ERBB4: variants seen among roughly 807,000 people sequenced by gnomAD.
ERBB4 encodes receptor tyrosine-protein kinase erbB-4.
Under a neutral mutation model 158.0 loss-of-function variants are expected in ERBB4, and 42 were observed. The observed-to-expected ratio is 0.27, with a 90% CI of 0.21 to 0.34. The LOEUF is 0.34. ERBB4 is among the 10% of genes least tolerant of loss of function. The probability of loss-of-function intolerance (pLI) is 1.00; values close to 1 mark genes in which losing one functional copy is unlikely to be tolerated. For missense variants in ERBB4, 1,333 were observed against 1,624.1 expected, an observed-to-expected ratio of 0.82 and a Z score of 3.08; for synonymous variants, 583 against 558.7, an observed-to-expected ratio of 1.04 and a Z score of -0.61.
chr2:211,660,585 A>C (rs2071387289), intron 15 of ERBB4, among the ~76,000 whole-genome samples: 2 of 152,178 alleles, frequency 1.3e-5, no homozygotes, highest in Non-Finnish European at 2.9e-5. Context: ...AGAATTTAGT[A>C]TGGCTGTCCT....
chr2:211,650,566 A>G (rs2070944511), intron 16 of ERBB4, among the ~76,000 whole-genome samples: 1 of 152,116 alleles, frequency 6.6e-6, no homozygotes, highest in Non-Finnish European at 1.5e-5. Context: ...AAGCTGATGA[A>G]ATAAACACCC....
intron 19 of ERBB4, among the ~76,000 whole-genome samples, chr2:211,572,913 C>T (rs1014074692): frequency 6.6e-6 from 1 of 152,126 alleles, no homozygotes; most frequent in African/African-American, 2.4e-5. Flanking sequence ...CTCCTCCTAC[C>T]CATGAAAGAT....
At chr2:211,519,763 A>G (rs1234635066) in intron 20 of ERBB4, among the ~76,000 whole-genome samples, 1 of 152,186 alleles carries the variant, frequency 6.6e-6, no homozygotes, top group Non-Finnish European at 1.5e-5. Context: ...ATGGAAAGAC[A>G]AATAGAAATC....
chr2:212,529,742 A>G (rs377241623), intron 1 of ERBB4, among the ~76,000 whole-genome samples: 7 of 152,236 alleles, frequency 4.6e-5, no homozygotes, highest in East Asian at 3.8e-4. Context: ...GGTTGGTTTG[A>G]TTAAATGCCA....
At chr2:212,149,807 G>A (rs1234868954) in intron 1 of ERBB4, among the ~76,000 whole-genome samples, 1 of 152,032 alleles carries the variant, frequency 6.6e-6, no homozygotes, top group Admixed American at 6.5e-5. Flanking sequence ...ATTTTGTGGA[G>A]TAGACCGACA....
intron 2 of ERBB4, among the ~76,000 whole-genome samples, chr2:212,066,398 C>T (rs1006742535): frequency 4.0e-5 from 6 of 151,852 alleles, no homozygotes; most frequent in Non-Finnish European, 5.9e-5. Context: ...AACTTTTGGA[C>T]ATTTTGTAAG....
chr2:212,456,223 C>A (rs1412170754), intron 1 of ERBB4, among the ~76,000 whole-genome samples: 3 of 151,922 alleles, frequency 2.0e-5, no homozygotes, highest in Non-Finnish European at 2.9e-5. Context: ...TTCTAACTCC[C>A]TAACATAAAA....
At chr2:211,501,821 G>A (rs925503865) in intron 20 of ERBB4, among the ~76,000 whole-genome samples, 1 of 151,948 alleles carries the variant, frequency 6.6e-6, no homozygotes, top group African/African-American at 2.4e-5. Flanking sequence ...TGTTAATTCA[G>A]GGTCACTTTT....
At chr2:212,324,965 C>G (rs1233418834) in intron 1 of ERBB4, among the ~76,000 whole-genome samples, 1 of 150,276 alleles carries the variant, frequency 6.7e-6, no homozygotes, top group Non-Finnish European at 1.5e-5. Context: ...AAACACTGAT[C>G]ACACCCATAT....
intron 20 of ERBB4, among the ~76,000 whole-genome samples, chr2:211,525,017 A>T (rs949407245): frequency 2.7e-4 from 41 of 152,318 alleles, no homozygotes; most frequent in Non-Finnish European, 4.9e-4. Flanking sequence ...ACCTAGCCAA[A>T]GGAGAACTCA....
At chr2:211,820,071 A>G (rs911532362) in intron 3 of ERBB4, among the ~76,000 whole-genome samples, 1 of 151,926 alleles carries the variant, frequency 6.6e-6, no homozygotes, top group Non-Finnish European at 1.5e-5. Context: ...TCAAATCATT[A>G]ACCATTATTC....
intron 1 of ERBB4, among the ~76,000 whole-genome samples, chr2:212,382,729 CTTGT>C (rs1482812214): frequency 6.6e-6 from 1 of 151,196 alleles, no homozygotes; most frequent in Non-Finnish European, 1.5e-5. Flanking sequence ...TACATTATTA[CTTGT>C]TTAATATAGA....
At chr2:211,693,499 C>G (rs1044601413) in intron 12 of ERBB4, among the ~76,000 whole-genome samples, 7 of 151,980 alleles carry the variant, frequency 4.6e-5, no homozygotes, top group Non-Finnish European at 7.4e-5. Context: ...ATGAATTTTC[C>G]TACAAGGGAA....
chr2:212,014,691 T>G (rs566783322), intron 2 of ERBB4, among the ~76,000 whole-genome samples: 1 of 152,088 alleles, frequency 6.6e-6, no homozygotes, highest in African/African-American at 2.4e-5. Context: ...CTTTTCTCAC[T>G]AAATAAATCC....
chr2:212,218,290 T>C (rs763242171), intron 1 of ERBB4, among the ~76,000 whole-genome samples: 1 of 151,374 alleles, frequency 6.6e-6, no homozygotes, highest in Non-Finnish European at 1.5e-5. Flanking sequence ...TCAGGAGGCT[T>C]ATTCAGAAAA....
intron 3 of ERBB4, among the ~76,000 whole-genome samples, chr2:211,903,494 T>C (rs1330983651): frequency 6.6e-6 from 1 of 152,062 alleles, no homozygotes; most frequent in Non-Finnish European, 1.5e-5. Flanking sequence ...GAGAGTAATA[T>C]ACATGAAATT....
chr2:211,472,608 G>A (rs951912626), intron 20 of ERBB4, among the ~76,000 whole-genome samples: 1 of 151,512 alleles, frequency 6.6e-6, no homozygotes, highest in African/African-American at 2.4e-5. Flanking sequence ...CCTCACGACG[G>A]TAATTTAAGG....
intron 2 of ERBB4, among the ~76,000 whole-genome samples, chr2:212,082,964 T>C (rs1185281409): frequency 1.3e-5 from 2 of 151,896 alleles, no homozygotes; most frequent in Admixed American, 6.6e-5. Flanking sequence ...ATGAATACAA[T>C]AGGTGTTCAG....
chr2:211,959,072 CAA>C (rs1041473554), intron 2 of ERBB4, among the ~76,000 whole-genome samples: 9 of 152,020 alleles, frequency 5.9e-5, no homozygotes, highest in African/African-American at 1.9e-4. Flanking sequence ...TTTTCTTCCT[CAA>C]AAAAGTCTTT....
Sources: allele counts gnomAD v4.1 joint callset (sites outside exome capture counted in the v4.1 genomes callset), GRCh38; gene constraint gnomAD v4.1.1; transcripts MANE v1.5; gene names NCBI Gene and HGNC (gene_info 2026-07-23, HGNC 2026-07-21).